Variants in PARP4 observed in about 807,000 individuals in gnomAD.
PARP4 encodes the protein protein mono-ADP-ribosyltransferase PARP4.
Under a neutral mutation model 187.7 loss-of-function variants are expected in PARP4, and 120 were observed. The observed-to-expected ratio is 0.64, with a 90% CI of 0.55 to 0.74. The LOEUF (loss-of-function observed/expected upper bound fraction) is 0.74, where lower values mean the gene tolerates loss of function less well. PARP4 is among the 30% of genes least tolerant of loss of function. The pLI is 0.00. For synonymous variants in PARP4, 654 were observed against 740.9 expected (o/e 0.88, Z 1.90); for missense variants, 1,836 against 2,070.5 (o/e 0.89, Z 2.20).
At chr13:24,446,190 T>C (rs530323844) in intron 27 of PARP4, among the ~76,000 whole-genome samples, 1 of 152,202 alleles carries the variant, frequency 6.6e-6, no homozygotes, top group Non-Finnish European at 1.5e-5. Flanking sequence ...AGAACCTCTC[T>C]AGCAAAATTT....
At chr13:24,437,150 A>G (rs1453671728) in intron 30 of PARP4, among the ~76,000 whole-genome samples, 3 of 152,208 alleles carry the variant, frequency 2.0e-5, no homozygotes, top group Non-Finnish European at 4.4e-5. Context: ...TAAGAGGAAA[A>G]GGAGGAGCCA....
At chr13:24,483,488 G>A (rs1240060310) in intron 12 of PARP4, among the ~76,000 whole-genome samples, 3 of 86,516 alleles carry the variant, frequency 3.5e-5, no homozygotes, top group Non-Finnish European at 4.6e-5. Context: ...GCGAGACTCC[G>A]TCTCAAAAAA....
At chr13:24,455,511 C>G (rs1476628460) in intron 21 of PARP4, among the ~76,000 whole-genome samples, 1 of 83,986 alleles carries the variant, frequency 1.2e-5, no homozygotes, top group South Asian at 3.8e-4. Flanking sequence ...ATATATCACA[C>G]TATTCTAAGA....
intron 20 of PARP4, among the ~76,000 whole-genome samples, chr13:24,457,227 TACA>T (rs1487997551): frequency 6.6e-6 from 1 of 152,188 alleles, no homozygotes; most frequent in Non-Finnish European, 1.5e-5. Context: ...AAATAAGCTT[TACA>T]ACAACAAAGG....
At chr13:24,449,305 G>A (rs1012726855) in intron 25 of PARP4, among the ~76,000 whole-genome samples, 4 of 150,794 alleles carry the variant, frequency 2.7e-5, no homozygotes, top group African/African-American at 7.3e-5. Flanking sequence ...GAAGAATGGC[G>A]TGAACCCGGG....
At chr13:24,474,969 C>T (rs1483812999) in intron 15 of PARP4, among the ~76,000 whole-genome samples, 1 of 152,198 alleles carries the variant, frequency 6.6e-6, no homozygotes, top group African/African-American at 2.4e-5. Context: ...GATCAGCCTC[C>T]TTCCTACCTC....
intron 30 of PARP4, among the ~76,000 whole-genome samples, chr13:24,439,365 T>C (rs1420996013): frequency 6.7e-6 from 1 of 150,094 alleles, no homozygotes; most frequent in African/African-American, 2.4e-5. Flanking sequence ...ACATGTGCAC[T>C]ATGAGAAAAT....
chr13:24,501,071 C>T (rs1284492721), intron 3 of PARP4, among the ~76,000 whole-genome samples: 1 of 152,152 alleles, frequency 6.6e-6, no homozygotes, highest in Non-Finnish European at 1.5e-5. Flanking sequence ...AAGGAGGCTC[C>T]ACCCTGCCAA....
At chr13:24,471,186 T>A (rs1265180008) in intron 15 of PARP4, among the ~76,000 whole-genome samples, 4 of 152,246 alleles carry the variant, frequency 2.6e-5, no homozygotes, top group Non-Finnish European at 5.9e-5. Context: ...GTCTTGGATT[T>A]CCTCAGTTTT....
chr13:24,510,463 G>A (rs372665953), intron 1 of PARP4, among the ~76,000 whole-genome samples: 297 of 147,574 alleles, frequency 2.0e-3, no homozygotes, highest in African/African-American at 6.8e-3. Context: ...CTGAGGCAGG[G>A]GAATGGCGTG....
chr13:24,501,519 G>A lies in PARP4; in HGVS notation c.334+114C>T, dbSNP rs913799743. On this transcript the variant is annotated intron_variant, in intron 3 of 33. Coordinates refer to ENST00000381989, the MANE Select transcript of PARP4 (RefSeq NM_006437.4). Reference sequence around the variant, plus strand: ...TTCTGTCCATTTTCTGAGGTAATAAGTCTAATTTTTTTTTAGTATTTCTGG... The same window carrying A: ...TTCTGTCCATTTTCTGAGGTAATAAATCTAATTTTTTTTTAGTATTTCTGG... The A allele has an allele frequency of 9.8e-6, 7 of 716,280 alleles. No homozygotes were observed. In the East Asian group the frequency reaches 1.0e-4, roughly 10 times the overall value. The allele number at this position is 716,280 out of a possible 1,614,324, so 44.4% of individuals were successfully genotyped here.
intron 27 of PARP4, among the ~76,000 whole-genome samples, chr13:24,445,093 C>T (rs931346406): frequency 9.9e-5 from 15 of 152,188 alleles, no homozygotes; most frequent in East Asian, 1.9e-4. Flanking sequence ...CAATCCTACC[C>T]GCCTCTGTAC....
intron 1 of PARP4, among the ~76,000 whole-genome samples, chr13:24,504,703 A>AT (rs901959893): frequency 5.5e-5 from 8 of 144,992 alleles, no homozygotes; most frequent in Non-Finnish European, 9.2e-5. Flanking sequence ...ATTTTGTAAA[A>AT]TTTTTTTTTT....
intron 1 of PARP4, among the ~76,000 whole-genome samples, chr13:24,508,030 T>C (rs1869803266): frequency 6.6e-6 from 1 of 152,220 alleles, no homozygotes; most frequent in South Asian, 2.1e-4. Flanking sequence ...AACATTAGCA[T>C]GGAAAAGTTT....
chr13:24,473,343 A>C (rs139183046), intron 15 of PARP4, among the ~76,000 whole-genome samples: 12,022 of 152,300 alleles, frequency 0.079, 649 homozygotes, highest in Non-Finnish European at 0.12. Context: ...GCCTGGCACA[A>C]CATAAGGGCA....
At chr13:24,504,319 T>TC (rs1676022618) in intron 1 of PARP4, among the ~76,000 whole-genome samples, 1 of 142,674 alleles carries the variant, frequency 7.0e-6, no homozygotes, top group African/African-American at 2.6e-5. Flanking sequence ...TTTTTTTTTT[T>TC]TTTTTTTTTT....
chr13:24,483,254 A>C (rs1326387281), intron 12 of PARP4, among the ~76,000 whole-genome samples: 1 of 151,592 alleles, frequency 6.6e-6, no homozygotes, highest in African/African-American at 2.4e-5. Context: ...TGGGAGGCCG[A>C]GGCGGGTGGA....
At position 24,424,567 on chromosome 13, in the gene PARP4, A is replaced by T. The variant is rs1869918926; in HGVS notation, c.4979+1899T>A. The stretch of plus-strand genomic sequence containing the variant: ...TTAATATCTACCTTCCAAAATAACA[A>T]ATCAAAAGTATTATTAACACCATGA... On this transcript the variant is annotated intron_variant, in intron 33 of 33. Coordinates refer to ENST00000381989, the MANE Select transcript of PARP4 (RefSeq NM_006437.4). Among the ~76,000 whole-genome samples, 3 of 152,138 alleles carry T rather than the reference A, an allele frequency of 2.0e-5. No individual in the cohort carries two copies. The South Asian group carries it at 6.2e-4, about 31-fold the overall frequency.
In PARP4 at chr13:24,442,950, G is replaced by A. The variant is rs528962350; in HGVS notation, c.3448-265C>T. On this transcript the variant is annotated intron_variant, in intron 28 of 33. Coordinates refer to ENST00000381989, the MANE Select transcript of PARP4 (RefSeq NM_006437.4). ...CACAGTCTGTGGCTCCCAATTTAAA[G>A]CTGAGGAATTGGAAAGATGGAATGA... 8.2e-4 allele frequency among the ~76,000 whole-genome samples: 125 copies of A among 152,050 alleles called. 1 individual carries two copies. The highest frequency in any genetic ancestry group is 2.9e-3 in the African/African-American group (120 of 41,470).
Sources: gnomAD v4.1 joint callset for allele counts (sites outside exome capture counted in the v4.1 genomes callset) on GRCh38, gnomAD v4.1.1 for gene constraint, MANE v1.5 for transcripts, NCBI Gene and HGNC (gene_info 2026-07-23, HGNC 2026-07-21) for gene names.